The following TNNI3 variants were observed in gnomAD, a reference collection of about 807,000 sequenced individuals.
TNNI3 encodes the protein troponin I3, cardiac type, also known as troponin I, cardiac muscle.
Under a neutral mutation model 31.5 loss-of-function variants are expected in TNNI3, and 23 were observed. The ratio of observed to expected loss-of-function variants is 0.73; its 90% CI spans 0.52 to 1.03. The LOEUF (loss-of-function observed/expected upper bound fraction) is 1.03, where lower values mean the gene tolerates loss of function less well. Among genes scored for constraint, TNNI3 ranks in the 50% least tolerant of loss-of-function variants. The probability of loss-of-function intolerance (pLI) is 0.00; values close to 1 mark genes in which losing one functional copy is unlikely to be tolerated. For missense variants in TNNI3, 236 were observed against 282.9 expected, an observed-to-expected ratio of 0.83 and a Z score of 1.19; for synonymous variants, 120 against 111.7, an observed-to-expected ratio of 1.07 and a Z score of -0.47.
At chr19:55,154,393 C>G (rs369270590) in intron 6 of TNNI3, 187 bp from the exon 7 acceptor site, 1 of 672,946 alleles carries the variant, frequency 1.5e-6, no homozygotes, top group Non-Finnish European at 2.6e-6. Flanking sequence ...CTCATATGCT[C>G]CAGCCTCACC....
Position 55,157,549 on chromosome 19 carries a change from C to T in TNNI3, c.11+30G>A, listed in dbSNP as rs1388184308. On this transcript the variant is annotated intron_variant, in intron 1 of 7. Transcript: ENST00000344887. The surrounding 1 kb of genome is among the most constrained non-coding windows in gnomAD (Gnocchi z 6.3). The stretch of plus-strand genomic sequence containing the variant: ...TCTTGGGAACCCGGGAGGTCGCCCC[C>T]AACTCCCACTGCCTTGGGGCATCAC... 2 of 1,613,436 alleles carry T rather than the reference C, an allele frequency of 1.2e-6. No individual in the cohort carries two copies. Among genetic ancestry groups the T allele is most frequent in the African/African-American group, 2.7e-5 (2 of 75,006 alleles).
rs966021376 is a variant in TNNI3 at position 55,157,533 on chromosome 19, C to A, written c.11+46G>T. The A allele has an allele frequency of 6.2e-7, 1 of 1,611,932 alleles. No individual in the cohort carries two copies. The highest frequency in any genetic ancestry group is 8.5e-7 in the Non-Finnish European group (1 of 1,178,510). ...TCTCAGCTGCGACCCCTCTTGGGAACCCGGGAGGTCGCCCCCAACTCCCAC... is the reference window on the plus strand; with the variant it reads ...TCTCAGCTGCGACCCCTCTTGGGAAACCGGGAGGTCGCCCCCAACTCCCAC... On this transcript the variant is annotated intron_variant, in intron 1 of 7. Transcript: ENST00000344887. The surrounding 1 kb of genome is among the most constrained non-coding windows in gnomAD (Gnocchi z 6.3).
rs773216333 is a variant in TNNI3 at position 55,154,815 on chromosome 19, G to A, written c.298C>T (p.Leu100Phe). 1.4e-5 allele frequency: 22 copies of A among 1,614,200 alleles called. No individual in the cohort carries two copies. Among genetic ancestry groups the A allele is most frequent in the Admixed American group, 3.3e-5 (2 of 60,030 alleles). Residue 100 changes from leucine (L) to phenylalanine (F), a missense_variant, in exon 6 of 8, where the codon CTC (leucine) becomes TTC (phenylalanine). Coordinates refer to ENST00000344887, the MANE Select transcript of TNNI3 (RefSeq NM_000363.5). ...FAELQDLCRQ[L>F]HARVDKVDEE... ...TCCACCTTGTCCACACGGGCGTGGA[G>A]CTGTCGGCACAAGTCCTGGAGGAGG...
Position 55,151,840 on chromosome 19 carries a change from C to T in TNNI3, c.627G>A (p.Glu209=). The stretch of plus-strand genomic sequence containing the variant: ...GGGCAGTAGGCAGGAAGGCTCAGCT[C>T]TCAAACTTTTTCTTGCGGCCCTCCA... ...SGMEGRKKKF[E]S Residue 209 remains glutamate, a synonymous_variant, in exon 8 of 8, where the codon GAG becomes GAA. Coordinates refer to ENST00000344887, the MANE Select transcript of TNNI3 (RefSeq NM_000363.5). The T allele has an allele frequency of 1.2e-6, 2 of 1,614,082 alleles. No homozygotes were observed. The highest frequency in any genetic ancestry group is 1.1e-5 in the South Asian group (1 of 91,080).
In TNNI3 at chr19:55,154,795, C is replaced by G. The variant is rs750350912; in HGVS notation, c.318G>C (p.Lys106Asn). The change falls in exon 6 of 8, where the codon AAG (lysine) becomes AAC (asparagine). Residue 106 changes from lysine to asparagine, a missense_variant. Lys to Asn is a moderately conservative substitution (Grantham distance 94). Coordinates refer to ENST00000344887, the MANE Select transcript of TNNI3 (RefSeq NM_000363.5). ...LCRQLHARVD[K>N]VDEERYDIEA... The stretch of plus-strand genomic sequence containing the variant: ...CTATGTCGTATCTCTCTTCATCCAC[C>G]TTGTCCACACGGGCGTGGAGCTGTC... 14 of 1,614,216 alleles carry G rather than the reference C, an allele frequency of 8.7e-6. No individual in the cohort carries two copies. The highest frequency in any genetic ancestry group is 1.0e-5 in the Non-Finnish European group (12 of 1,180,024).
intron 7 of TNNI3, 89 bp downstream of exon 7, chr19:55,153,941 C>T: frequency 6.7e-7 from 1 of 1,500,118 alleles, no homozygotes; most frequent in Non-Finnish European, 9.2e-7. Context: ...CCTCCAACTC[C>T]AAGCACCATC....
intron 5 of TNNI3, 37 bp from the exon 6 acceptor site, chr19:55,154,867 C>A (rs1223571002): frequency 6.3e-7 from 1 of 1,593,120 alleles, no homozygotes; most frequent in African/African-American, 1.3e-5. Context: ...TTGGGGGAAC[C>A]AAAAACAGGG....
intron 5 of TNNI3, among the ~76,000 whole-genome samples, chr19:55,155,935 C>A (rs62126324): frequency 1.1e-4 from 11 of 99,714 alleles, no homozygotes; most frequent in South Asian, 8.2e-4. Flanking sequence ...GGGGCTGGGG[C>A]CTGGACTCCA....
In TNNI3 at chr19:55,157,696, G is replaced by GTC; in HGVS notation, c.-109_-108dup. On this transcript the variant is annotated 5_prime_UTR_variant, in exon 1 of 8. Coordinates refer to ENST00000344887, the MANE Select transcript of TNNI3 (RefSeq NM_000363.5). The surrounding 1 kb of genome is among the most constrained non-coding windows in gnomAD (Gnocchi z 6.3). Reference sequence around the variant, plus strand: ...ACCTTCAGGGTCCCAGGGACCGTCAGTCTCCTCCGGGCTGCTTGAGACTCC... The same window carrying GTC: ...ACCTTCAGGGTCCCAGGGACCGTCAGTCTCTCCTCCGGGCTGCTTGAGACTCC... 7.4e-7 allele frequency: 1 copy of GTC among 1,356,748 alleles called. No homozygotes were observed. Among genetic ancestry groups the GTC allele is most frequent in the Non-Finnish European group, 1.0e-6 (1 of 954,988 alleles). 84.0% of individuals were successfully genotyped at this position (1,356,748 alleles called of 1,614,324 possible). A position where few individuals can be genotyped will look rare whatever the true frequency, so the allele number is the denominator to read the frequency against.
rs727503506 is a variant in TNNI3 at position 55,154,743 on chromosome 19, C to G, written c.370G>C (p.Glu124Gln). Reference sequence around the variant, plus strand: ...CCCGAGCTGCCCATGCGTCCCACCTCCGTGATGTTCTTGGTGACTTTTGCC... The same window carrying G: ...CCCGAGCTGCCCATGCGTCCCACCTGCGTGATGTTCTTGGTGACTTTTGCC... ...IEAKVTKNIT[E>Q]IADLTQKIFD... The change falls in exon 6 of 8, where the codon GAG becomes CAG. Residue 124 changes from glutamate to glutamine, a missense_variant and splice_region_variant. Physicochemically the swap from Glu to Gln is conservative, Grantham distance 29. Coordinates refer to ENST00000344887, the MANE Select transcript of TNNI3 (RefSeq NM_000363.5). 6.2e-7 allele frequency: 1 copy of G among 1,614,132 alleles called. No homozygotes were observed. The highest frequency in any genetic ancestry group is 2.2e-5 in the East Asian group (1 of 44,880).
In TNNI3 at chr19:55,156,371, C is replaced by T. The variant is rs780638817; in HGVS notation, c.151-39G>A. ...GGAGGGAAGCGCAGCCCACCCGGGG[C>T]TTCAGGATAAAGACCAGGCGTGGGG... On this transcript the variant is annotated intron_variant, in intron 4 of 7. Coordinates refer to ENST00000344887, the MANE Select transcript of TNNI3 (RefSeq NM_000363.5). The surrounding 1 kb of genome is among the most constrained non-coding windows in gnomAD (Gnocchi z 4.6). The T allele has an allele frequency of 1.3e-6, 2 of 1,594,316 alleles. No homozygotes were observed. The highest frequency in any genetic ancestry group is 1.7e-6 in the Non-Finnish European group (2 of 1,171,134).
chr19:55,153,752 A>AT (rs1309819056), intron 7 of TNNI3, among the ~76,000 whole-genome samples: 2 of 152,070 alleles, frequency 1.3e-5, no homozygotes, highest in Non-Finnish European at 2.9e-5. Flanking sequence ...AAAAAAGGAA[A>AT]TTAAAAAAAA....
At position 55,156,492 on chromosome 19, in the gene TNNI3, G is replaced by A; in HGVS notation, c.150+111C>T. ...GTACTCCCCGCTAAAGCCACGCCCCGAGCGGCCAAACCCCGCCCACTTCCG... is the reference window on the plus strand; with the variant it reads ...GTACTCCCCGCTAAAGCCACGCCCCAAGCGGCCAAACCCCGCCCACTTCCG... On this transcript the variant is annotated intron_variant, in intron 4 of 7. Transcript: ENST00000344887. This position sits in a 1 kb window ranked among gnomAD's most constrained non-coding sequence, Gnocchi z 4.6. 1.3e-6 allele frequency: 2 copies of A among 1,490,372 alleles called. No homozygotes were observed. Among genetic ancestry groups the A allele is most frequent in the Non-Finnish European group, 1.8e-6 (2 of 1,100,812 alleles). The allele number at this position is 1,490,372 out of a possible 1,614,324, so 92.3% of individuals were successfully genotyped here.
In TNNI3 at chr19:55,154,797, T is replaced by C. The variant is rs1229714583; in HGVS notation, c.316A>G (p.Lys106Glu). The change falls in exon 6 of 8, where the codon AAG becomes GAG. Residue 106 changes from lysine to glutamate, a missense_variant. Physicochemically the swap from Lys to Glu is moderately conservative, Grantham distance 56. Coordinates refer to ENST00000344887, the MANE Select transcript of TNNI3 (RefSeq NM_000363.5). ...ATGTCGTATCTCTCTTCATCCACCTTGTCCACACGGGCGTGGAGCTGTCGG... is the reference window on the plus strand; with the variant it reads ...ATGTCGTATCTCTCTTCATCCACCTCGTCCACACGGGCGTGGAGCTGTCGG... ...LCRQLHARVDKVDEERYDIEA... is the reference protein window; with the variant it reads ...LCRQLHARVDEVDEERYDIEA... The C allele has an allele frequency of 2.5e-6, 4 of 1,614,034 alleles. No homozygotes were observed. Among genetic ancestry groups the C allele is most frequent in the Non-Finnish European group, 2.5e-6 (3 of 1,180,010 alleles).
chr19:55,156,495 C>T lies in TNNI3; in HGVS notation c.150+108G>A. The T allele has an allele frequency of 6.6e-7, 1 of 1,507,002 alleles. No individual in the cohort carries two copies. Among genetic ancestry groups the T allele is most frequent in the Non-Finnish European group, 9.0e-7 (1 of 1,112,036 alleles). The allele number at this position is 1,507,002 out of a possible 1,614,324, so 93.4% of individuals were successfully genotyped here. On this transcript the variant is annotated intron_variant, in intron 4 of 7. Coordinates refer to ENST00000344887, the MANE Select transcript of TNNI3 (RefSeq NM_000363.5). This position sits in a 1 kb window ranked among gnomAD's most constrained non-coding sequence, Gnocchi z 4.6. ...CTCCCCGCTAAAGCCACGCCCCGAG[C>T]GGCCAAACCCCGCCCACTTCCGCCC...
chr19:55,154,009 C>T, intron 7 of TNNI3, 21 bp downstream of exon 7: 1 of 1,610,884 alleles, frequency 6.2e-7, no homozygotes. Context: ...ATCCTCTTTC[C>T]TGGCCTTAGC....
chr19:55,155,308 G>A (rs192080531), intron 5 of TNNI3, among the ~76,000 whole-genome samples: 1,044 of 66,210 alleles, frequency 0.016, 50 homozygotes, highest in Middle Eastern at 0.033. Flanking sequence ...GTCTGAGGGA[G>A]GAGGAGCTGG....
chr19:55,156,782 G>A lies in TNNI3; in HGVS notation c.109-138C>T. ...GTCCAACTTGAGCCCTGAGTCTACG[G>A]GAGGCCACGCCCCTCATTCCCATCC... On this transcript the variant is annotated intron_variant, in intron 3 of 7. Transcript: ENST00000344887. The surrounding 1 kb of genome is among the most constrained non-coding windows in gnomAD (Gnocchi z 4.6). 1.0e-6 allele frequency: 1 copy of A among 999,474 alleles called. No homozygotes were observed. The highest frequency in any genetic ancestry group is 1.5e-6 in the Non-Finnish European group (1 of 649,046). The allele number at this position is 999,474 out of a possible 1,614,324, so 61.9% of individuals were successfully genotyped here.
chr19:55,157,297 G>A lies in TNNI3; in HGVS notation c.23C>T (p.Ala8Val), dbSNP rs770640091. The change falls in exon 2 of 8, where the codon GCG (alanine) becomes GTG (valine). Residue 8 changes from alanine (A) to valine (V), a missense_variant and splice_region_variant. By Grantham distance (64) the Ala-to-Val change is moderately conservative. Coordinates refer to ENST00000344887, the MANE Select transcript of TNNI3 (RefSeq NM_000363.5). The surrounding 1 kb of genome is among the most constrained non-coding windows in gnomAD (Gnocchi z 6.3). MADGSSD[A>V]AREPRPAPAP... ...CACGCCTTAGCCCGCTGCTCTCACCGCATCGCTGCTCCTGGAAGGAGAGAA... is the reference window on the plus strand; with the variant it reads ...CACGCCTTAGCCCGCTGCTCTCACCACATCGCTGCTCCTGGAAGGAGAGAA... 1 of 1,612,708 alleles carries A rather than the reference G, an allele frequency of 6.2e-7. No homozygotes were observed. Among genetic ancestry groups the A allele is most frequent in the South Asian group, 1.1e-5 (1 of 90,900 alleles).
Sources: gnomAD v4.1 joint callset for allele counts (sites outside exome capture counted in the v4.1 genomes callset) on GRCh38, gnomAD v4.1.1 for gene constraint, Gnocchi (gnomAD v3.1) non-coding constraint, MANE v1.5 for transcripts, NCBI Gene and HGNC (gene_info 2026-07-23, HGNC 2026-07-21) for gene names.